Variants in PLSCR5 observed in about 807,000 individuals in gnomAD.
The protein encoded by PLSCR5 is phospholipid scramblase family, member 5.
Under a neutral mutation model 33.6 loss-of-function variants are expected in PLSCR5, and 44 were observed. The ratio of observed to expected loss-of-function variants is 1.31; its 90% CI spans 1.03 to 1.69. The LOEUF is 1.69. Ranked by LOEUF, PLSCR5 falls within the 40% of genes most tolerant of loss-of-function variation. PLSCR5 has a pLI of 0.00. For missense variants in PLSCR5, 375 were observed against 318.7 expected, an observed-to-expected ratio of 1.18 and a Z score of -1.34; for synonymous variants, 148 against 112.3, an observed-to-expected ratio of 1.32 and a Z score of -2.01.
At chr3:146,588,541 A>T (rs953290860) in intron 6 of PLSCR5, among the ~76,000 whole-genome samples, 1 of 151,044 alleles carries the variant, frequency 6.6e-6, no homozygotes, top group Non-Finnish European at 1.5e-5. Context: ...ATGCACATGC[A>T]TGTGCACATG....
chr3:146,600,098 A>G (rs896410969), intron 2 of PLSCR5, among the ~76,000 whole-genome samples, 190 bp downstream of exon 2: 14 of 152,236 alleles, frequency 9.2e-5, no homozygotes, highest in African/African-American at 3.4e-4. Flanking sequence ...AAAAGTAGTA[A>G]TAAGATACAC....
Position 146,595,084 on chromosome 3 carries a change from C to T in PLSCR5, c.190-1G>A, listed in dbSNP as rs866816071. ...GCTGGTGTATAATTATCAGGTCTAA[C>T]TGTAAAGGATGACATAAAAGGAAAT... On this transcript the variant is annotated splice_acceptor_variant, in intron 2 of 7. Coordinates refer to ENST00000443512, the MANE Select transcript of PLSCR5 (RefSeq NM_001085420.2). LOFTEE classifies it high-confidence loss of function. 17 of 1,415,872 alleles carry T rather than the reference C, an allele frequency of 1.2e-5. No homozygotes were observed. In the East Asian group the frequency reaches 4.5e-4, roughly 38 times the overall value. 87.7% of individuals were successfully genotyped at this position (1,415,872 alleles called of 1,614,324 possible).
downstream of PLSCR5, among the ~76,000 whole-genome samples, chr3:146,582,070 C>T (rs1006268382): frequency 6.6e-6 from 1 of 152,232 alleles, no homozygotes; most frequent in African/African-American, 2.4e-5. Flanking sequence ...TTCCCCTAAA[C>T]CAGATCCTCT....
At chr3:146,585,432 G>A (rs557170422), downstream of PLSCR5, among the ~76,000 whole-genome samples, 2 of 152,206 alleles carry the variant, frequency 1.3e-5, no homozygotes, top group East Asian at 3.9e-4. Flanking sequence ...TTTATGGAAT[G>A]TAACTGTGCC....
chr3:146,584,878 T>C (rs17354244), downstream of PLSCR5, among the ~76,000 whole-genome samples: 23,311 of 152,126 alleles, frequency 0.15, 1,953 homozygotes, highest in Non-Finnish European at 0.19. Flanking sequence ...ATGTTTAGCA[T>C]ACATTCTCTT....
At chr3:146,590,986 G>A (rs1039165942) in intron 5 of PLSCR5, among the ~76,000 whole-genome samples, 1 of 112,396 alleles carries the variant, frequency 8.9e-6, no homozygotes, top group South Asian at 3.0e-4. Flanking sequence ...ACGAGAATAA[G>A]GTTTTTTTTT....
At chr3:146,587,451 C>A (rs1449474795) in intron 6 of PLSCR5, among the ~76,000 whole-genome samples, 1 of 152,008 alleles carries the variant, frequency 6.6e-6, no homozygotes, top group African/African-American at 2.4e-5. Context: ...GTGAGTAGGG[C>A]AGATTAAAAA....
chr3:146,601,261 A>G (rs1315694923), intron 1 of PLSCR5, among the ~76,000 whole-genome samples: 1 of 152,062 alleles, frequency 6.6e-6, no homozygotes, highest in Non-Finnish European at 1.5e-5. Flanking sequence ...AAGGTGGTAT[A>G]TGCAAAAGTC....
intron 2 of PLSCR5, 75 bp from the exon 3 acceptor site, chr3:146,595,158 C>G (rs2044748937): frequency 1.1e-5 from 8 of 754,330 alleles, no homozygotes; most frequent in Non-Finnish European, 1.5e-5. Flanking sequence ...CTACTAGTAC[C>G]CTATTTACTA....
intron 4 of PLSCR5, among the ~76,000 whole-genome samples, chr3:146,592,542 G>A (rs1407190057): frequency 1.3e-5 from 2 of 152,070 alleles, no homozygotes; most frequent in African/African-American, 4.8e-5. Flanking sequence ...TAAATTGGGG[G>A]TGGGTACAAA....
At chr3:146,590,522 AT>A (rs1231880626) in intron 5 of PLSCR5, among the ~76,000 whole-genome samples, 18 of 152,158 alleles carry the variant, frequency 1.2e-4, no homozygotes, top group African/African-American at 3.8e-4. Flanking sequence ...TTTATCAGCT[AT>A]TTGTTTGTTT....
At chr3:146,579,351 A>G (rs1207218994) in intron 7 of PLSCR5, among the ~76,000 whole-genome samples, 1 of 152,192 alleles carries the variant, frequency 6.6e-6, no homozygotes, top group Non-Finnish European at 1.5e-5. Flanking sequence ...ACAATAATAT[A>G]AAACTTACCA....
intron 6 of PLSCR5, 68 bp downstream of exon 6, chr3:146,589,585 G>A: frequency 7.4e-7 from 1 of 1,356,692 alleles, no homozygotes; most frequent in Non-Finnish European, 1.0e-6. Flanking sequence ...AATGGGATAG[G>A]CTATATTGTA....
intron 2 of PLSCR5, among the ~76,000 whole-genome samples, chr3:146,597,649 G>A (rs964119377): frequency 1.3e-5 from 2 of 152,110 alleles, no homozygotes; most frequent in Admixed American, 6.5e-5. Flanking sequence ...ACAAACTATG[G>A]CCCAAAGGGG....
Position 146,594,131 on chromosome 3 carries a change from C to G in PLSCR5, c.242G>C (p.Gly81Ala). Residue 81 changes from glycine (G) to alanine (A), a missense_variant, in exon 4 of 8, where the codon GGT (glycine) becomes GCT (alanine). Gly to Ala is a moderately conservative substitution (Grantham distance 60, BLOSUM62 0). Transcript: ENST00000443512. ...QQVELLGMIL[G>A]TETSNKYEIK... ...CTCATATTTGTTGGAGGTCTCAGTA[C>G]CAAGTATCACTAATGGAACAAAAAA... The G allele has an allele frequency of 6.2e-7, 1 of 1,610,124 alleles. No homozygotes were observed. The highest frequency in any genetic ancestry group is 8.5e-7 in the Non-Finnish European group (1 of 1,177,758).
intron 6 of PLSCR5, among the ~76,000 whole-genome samples, chr3:146,588,023 G>T (rs1031942664): frequency 2.0e-5 from 3 of 151,934 alleles, no homozygotes; most frequent in African/African-American, 7.3e-5. Flanking sequence ...ATCAGATTTA[G>T]CATTCTGAAA....
intron 7 of PLSCR5, among the ~76,000 whole-genome samples, chr3:146,578,870 A>G (rs1025865933): frequency 3.9e-5 from 6 of 152,082 alleles, no homozygotes; most frequent in Non-Finnish European, 8.8e-5. Flanking sequence ...CTTGAAATGC[A>G]TTTTCAATAA....
chr3:146,604,154 A>T (rs1421583095), intron 1 of PLSCR5, among the ~76,000 whole-genome samples: 2 of 152,106 alleles, frequency 1.3e-5, no homozygotes, highest in Admixed American at 6.6e-5. Context: ...GTTTTCACCA[A>T]TTATACTAAT....
At chr3:146,583,475 G>A (rs2044647491), downstream of PLSCR5, among the ~76,000 whole-genome samples, 1 of 152,130 alleles carries the variant, frequency 6.6e-6, no homozygotes, top group Non-Finnish European at 1.5e-5. Flanking sequence ...TGTTGTACAA[G>A]TATCAGTCCT....
Sources: gnomAD v4.1 joint callset for allele counts (sites outside exome capture counted in the v4.1 genomes callset) on GRCh38, gnomAD v4.1.1 for gene constraint, MANE v1.5 for transcripts, NCBI Gene and HGNC (gene_info 2026-07-23, HGNC 2026-07-21) for gene names.